Variants in KCTD1 observed in about 807,000 individuals in gnomAD.
The protein encoded by KCTD1 is BTB/POZ domain-containing protein KCTD1.
In KCTD1, 24 loss-of-function variants were observed where a neutral mutation model predicts 66.0. That is an observed-to-expected ratio of 0.36 (90% confidence interval 0.26 to 0.51). The LOEUF is 0.51. KCTD1 is among the 20% of genes least tolerant of loss of function. KCTD1 has a pLI of 0.95. For missense variants in KCTD1, 943 were observed against 1,205.2 expected, an observed-to-expected ratio of 0.78 and a Z score of 3.22; for synonymous variants, 511 against 517.2, an observed-to-expected ratio of 0.99 and a Z score of 0.16.
chr18:26,551,932 G>C (rs536357041), upstream of KCTD1, among the ~76,000 whole-genome samples: 1 of 152,202 alleles, frequency 6.6e-6, no homozygotes, highest in East Asian at 1.9e-4. Context: ...CGAAGCTGCC[G>C]GTCACCCCTT....
chr18:26,592,137 A>T (rs951734606), intron 1 of KCTD1, among the ~76,000 whole-genome samples: 1 of 152,218 alleles, frequency 6.6e-6, no homozygotes, highest in Non-Finnish European at 1.5e-5. Context: ...CGTCACTACA[A>T]ATTATGAGAA....
intron 1 of KCTD1, among the ~76,000 whole-genome samples, chr18:26,636,856 C>T (rs1360567049): frequency 2.0e-5 from 3 of 152,214 alleles, no homozygotes; most frequent in Non-Finnish European, 2.9e-5. Context: ...CAGCTGGACC[C>T]CATTCCAACC....
intron 2 of KCTD1, among the ~76,000 whole-genome samples, chr18:26,493,395 A>G (rs77333924): frequency 0.028 from 3,271 of 116,784 alleles, 39 homozygotes; most frequent in Middle Eastern, 0.042. Flanking sequence ...ATGAACAAAG[A>G]TGTATTTTTT....
At chr18:26,523,962 T>A (rs892876396) in intron 1 of KCTD1, among the ~76,000 whole-genome samples, 16 of 152,212 alleles carry the variant, frequency 1.1e-4, no homozygotes, top group African/African-American at 3.6e-4. Flanking sequence ...CAGACTCGAA[T>A]CTGCAGTCTC....
intron 1 of KCTD1, among the ~76,000 whole-genome samples, chr18:26,518,532 G>A (rs1238128938): frequency 1.3e-5 from 2 of 151,996 alleles, no homozygotes; most frequent in Admixed American, 1.3e-4. Context: ...CCAAAGTGCT[G>A]GGATTACAGG....
chr18:26,498,896 A>G (rs1211106536), intron 2 of KCTD1, among the ~76,000 whole-genome samples: 1 of 152,148 alleles, frequency 6.6e-6, no homozygotes, highest in East Asian at 1.9e-4. Flanking sequence ...TGAAAGTAGC[A>G]AATTATTTGA....
At chr18:26,628,553 G>C (rs1987550861) in intron 1 of KCTD1, among the ~76,000 whole-genome samples, 1 of 151,738 alleles carries the variant, frequency 6.6e-6, no homozygotes, top group South Asian at 2.1e-4. Flanking sequence ...GAAGCAGTTT[G>C]CATTTGGGAA....
At chr18:26,539,664 C>T (rs535980617) in intron 1 of KCTD1, among the ~76,000 whole-genome samples, 1 of 152,312 alleles carries the variant, frequency 6.6e-6, no homozygotes, top group South Asian at 2.1e-4. Flanking sequence ...AGTGCTCCCC[C>T]ATTTACTCCT....
rs529646130 is a variant in KCTD1 at position 26,473,849 on chromosome 18, C to A, written c.2133+2666G>T. On this transcript the variant is annotated intron_variant, in intron 3 of 4. Transcript: ENST00000580059. Reference sequence around the variant, plus strand: ...CTGCGGGAAGCTCATTCACTGGCTGCAGTTATTACACTCTCTCTATTTTCT... The same window carrying A: ...CTGCGGGAAGCTCATTCACTGGCTGAAGTTATTACACTCTCTCTATTTTCT... Among the ~76,000 whole-genome samples the A allele has an allele frequency of 2.0e-5, 3 of 152,292 alleles. No homozygotes were observed. The East Asian group carries it at 5.8e-4, about 29-fold the overall frequency.
intron 3 of KCTD1, 43 bp from the exon 4 acceptor site, chr18:26,459,968 A>AAAG (rs1980327870): frequency 7.0e-7 from 1 of 1,424,392 alleles, no homozygotes; most frequent in Non-Finnish European, 9.5e-7. Flanking sequence ...CTGCAAACAT[A>AAAG]AAGTACTAAA....
chr18:26,498,706 GAC>G, intron 2 of KCTD1, among the ~76,000 whole-genome samples: 1 of 151,928 alleles, frequency 6.6e-6, no homozygotes, highest in Admixed American at 6.6e-5. Flanking sequence ...GCTACTGTAT[GAC>G]ACAGCGCAGG....
chr18:26,552,672 G>A (rs1344289492), upstream of KCTD1, among the ~76,000 whole-genome samples: 1 of 152,214 alleles, frequency 6.6e-6, no homozygotes, highest in Non-Finnish European at 1.5e-5. Flanking sequence ...TGCAGAAGTA[G>A]AGTGAGGGAC....
chr18:26,654,215 T>G (rs1345472210), intron 1 of KCTD1, among the ~76,000 whole-genome samples: 1 of 152,216 alleles, frequency 6.6e-6, no homozygotes, highest in Non-Finnish European at 1.5e-5. Flanking sequence ...CACTAATTAC[T>G]CTTACATTTA....
At chr18:26,611,677 G>A (rs1987142107) in intron 1 of KCTD1, among the ~76,000 whole-genome samples, 1 of 152,130 alleles carries the variant, frequency 6.6e-6, no homozygotes, top group African/African-American at 2.4e-5. Flanking sequence ...TGCCCTATCT[G>A]CTAATTTAAC....
At chr18:26,603,216 G>A (rs1472283348) in intron 1 of KCTD1, among the ~76,000 whole-genome samples, 7 of 151,886 alleles carry the variant, frequency 4.6e-5, no homozygotes, top group Non-Finnish European at 1.5e-5. Flanking sequence ...GATTGCTTGA[G>A]TCCAGGAGTT....
chr18:26,578,114 T>C (rs1242398652), intron 1 of KCTD1, among the ~76,000 whole-genome samples: 3 of 147,628 alleles, frequency 2.0e-5, no homozygotes, highest in Non-Finnish European at 4.5e-5. Context: ...TGGAGTGCAG[T>C]GCTCCGATCT....
chr18:26,484,568 A>G (rs1567963621), intron 2 of KCTD1, among the ~76,000 whole-genome samples: 1 of 152,208 alleles, frequency 6.6e-6, no homozygotes, highest in Non-Finnish European at 1.5e-5. Context: ...ATTTTTAAAA[A>G]TTAGAGGGTT....
In KCTD1 at chr18:26,455,071, A is replaced by C. The variant is rs1266707854; in HGVS notation, c.*672T>G. On this transcript the variant is annotated 3_prime_UTR_variant, in exon 5 of 5. Coordinates refer to ENST00000580059, the MANE Select transcript of KCTD1 (RefSeq NM_001142730.3). ...TGAACTGGAGCAATTCTAACAAGGA[A>C]TAATTCTGGCCCCTTGGCAAAACTG... is the stretch of plus-strand genomic sequence containing the variant. The C allele has an allele frequency of 6.6e-6, 1 of 152,666 alleles. No individual in the cohort carries two copies. Among genetic ancestry groups the C allele is most frequent in the Non-Finnish European group, 1.5e-5 (1 of 68,046 alleles). 9.5% of individuals were successfully genotyped at this position (152,666 alleles called of 1,614,324 possible).
rs145378297 is a variant in KCTD1 at position 26,554,390 on chromosome 18, G to A, written c.-15-53140C>T. ...GCCAAGGTCTTGGACTGTGACACACGTATAAATGGACTGAGAAACAGTGTC... is the reference window on the plus strand; with the variant it reads ...GCCAAGGTCTTGGACTGTGACACACATATAAATGGACTGAGAAACAGTGTC... On this transcript the variant is annotated intron_variant, in intron 1 of 4. Coordinates refer to the KCTD1 transcript ENST00000317932. 2.7e-3 allele frequency among the ~76,000 whole-genome samples: 412 copies of A among 150,930 alleles called. 7 individuals carry two copies. The highest frequency in any genetic ancestry group is 9.5e-3 in the African/African-American group (395 of 41,490).
Sources: gnomAD v4.1 joint callset for allele counts (sites outside exome capture counted in the v4.1 genomes callset) on GRCh38, gnomAD v4.1.1 for gene constraint, MANE v1.5 for transcripts, NCBI Gene and HGNC (gene_info 2026-07-23, HGNC 2026-07-21) for gene names.